Variants in SPANXN2 observed in about 807,000 individuals in gnomAD.
The protein encoded by SPANXN2 is sperm protein associated with the nucleus on the X chromosome N2.
A neutral mutation model predicts 2.0 loss-of-function variants in SPANXN2; 1 was observed. The ratio of observed to expected loss-of-function variants is 0.50; its 90% confidence interval spans 0.18 to 2.36. The LOEUF is 2.36. SPANXN2 is among the 30% of genes most tolerant of loss of function. The pLI is 0.26. For missense variants in SPANXN2, 88 were observed against 116.7 expected (o/e 0.75, Z 1.13); for synonymous variants, 43 against 49.8 (o/e 0.86, Z 0.58).
At chrX:143,715,553 G>A (rs1409149986) in intron 1 of SPANXN2, among the ~76,000 whole-genome samples, 1 of 108,176 alleles carries the variant, frequency 9.2e-6, no homozygotes, top group Non-Finnish European at 1.9e-5. Flanking sequence ...TCTAAAGCTT[G>A]GAATGTTTCT....
At chrX:143,712,072 G>A (rs1932167427) in exon 2 of SPANXN2, 2 of 1,212,443 alleles carry the variant, frequency 1.6e-6, no homozygotes, top group East Asian at 5.9e-5. Flanking sequence ...TCCTTCAGAT[G>A]AGTCTAGGTC....
chrX:143,713,589 T>G (rs782505313), intron 1 of SPANXN2, among the ~76,000 whole-genome samples: 1 of 111,447 alleles, frequency 9.0e-6, no homozygotes, highest in Non-Finnish European at 1.9e-5. Context: ...TGCTCTGGCC[T>G]CTGGGGAGCA....
At chrX:143,713,910 TC>T (rs1932211402) in intron 1 of SPANXN2, among the ~76,000 whole-genome samples, 2 of 107,096 alleles carry the variant, frequency 1.9e-5, no homozygotes, top group African/African-American at 6.9e-5. Context: ...TCTCTCTCTC[TC>T]TCTCTCTCTC....
chrX:143,712,140 T>C (rs200419366), exon 2 of SPANXN2: 12 of 1,208,006 alleles, frequency 9.9e-6, no homozygotes, highest in Non-Finnish European at 1.3e-5. Flanking sequence ...CCTGTGAAGA[T>C]CCTTCAGATG....
At chrX:143,720,411 C>T (rs851096) in intron 1 of SPANXN2, among the ~76,000 whole-genome samples, 180 bp downstream of exon 1, 3 of 86,533 alleles carry the variant, frequency 3.5e-5, no homozygotes, top group Admixed American at 1.4e-4. Flanking sequence ...CATACTGCCC[C>T]GGCCCCTCCC....
chrX:143,714,815 T>C (rs1420817305), intron 1 of SPANXN2, among the ~76,000 whole-genome samples: 24 of 111,590 alleles, frequency 2.2e-4, no homozygotes, highest in African/African-American at 7.2e-4. Flanking sequence ...CTTCAAGATC[T>C]ATAAGATTAG....
chrX:143,713,995 C>T (rs782429653), intron 1 of SPANXN2, among the ~76,000 whole-genome samples: 139 of 107,446 alleles, frequency 1.3e-3, no homozygotes, highest in African/African-American at 2.6e-3. Context: ...CCTCTTCCTC[C>T]GGACAAGTCT....
At chrX:143,712,469 G>T in exon 2 of SPANXN2, 1 of 1,211,270 alleles carries the variant, frequency 8.3e-7, no homozygotes. Flanking sequence ...CTCTGTTTGG[G>T]GGCTAAGACC....
At chrX:143,717,583 T>C (rs1932290225) in intron 1 of SPANXN2, among the ~76,000 whole-genome samples, 1 of 112,277 alleles carries the variant, frequency 8.9e-6, no homozygotes. Context: ...TGATAAAGTG[T>C]CTTGCCCAAG....
chrX:143,715,545 T>G (rs781997702), intron 1 of SPANXN2, among the ~76,000 whole-genome samples: 1 of 109,075 alleles, frequency 9.2e-6, no homozygotes, highest in African/African-American at 3.3e-5. Flanking sequence ...CTGTTAATTC[T>G]AAAGCTTGGA....
At chrX:143,716,766 A>G (rs1436623794) in intron 1 of SPANXN2, among the ~76,000 whole-genome samples, 16 of 111,567 alleles carry the variant, frequency 1.4e-4, no homozygotes, top group African/African-American at 4.9e-4. Context: ...CTACCAACAC[A>G]TTACTATTGC....
chrX:143,714,578 A>G (rs1932226422), intron 1 of SPANXN2, among the ~76,000 whole-genome samples: 1 of 111,874 alleles, frequency 8.9e-6, no homozygotes, highest in South Asian at 3.7e-4. Context: ...ATCAGGCCAT[A>G]TGATATCATG....
chrX:143,713,842 A>G (rs782517878), intron 1 of SPANXN2, among the ~76,000 whole-genome samples: 4 of 110,243 alleles, frequency 3.6e-5, no homozygotes, highest in East Asian at 2.9e-4. Context: ...ACTTTCTTCA[A>G]TGCAATGGTA....
intron 1 of SPANXN2, among the ~76,000 whole-genome samples, chrX:143,718,219 G>A (rs183866423): frequency 8.1e-4 from 90 of 111,697 alleles, no homozygotes; most frequent in African/African-American, 2.7e-3. Context: ...CTCAGCCTAA[G>A]CCCATTTAAA....
chrX:143,714,638 C>G (rs1225611039), intron 1 of SPANXN2, among the ~76,000 whole-genome samples: 3 of 111,896 alleles, frequency 2.7e-5, no homozygotes, highest in Non-Finnish European at 5.6e-5. Flanking sequence ...CCTCTCCTGC[C>G]TTTCAAAAGT....
intron 1 of SPANXN2, among the ~76,000 whole-genome samples, chrX:143,717,037 G>A (rs782356908): frequency 2.7e-5 from 3 of 112,040 alleles, no homozygotes; most frequent in Admixed American, 1.9e-4. Flanking sequence ...ACACATACAC[G>A]GTTAGTTAAT....
rs58045166 is a variant in SPANXN2 at position 143,713,892 on chromosome X, A to ACTCTCT, written c.79-1399_79-1394dup. ...CTTTGCTTATCTCCTTTCATGCCTC[A>ACTCTCT]CTCTCTCTCTCTCTCTCTCTCTCTC... On this transcript the variant is annotated intron_variant, in intron 1 of 1. Coordinates refer to ENST00000598475, the Ensembl canonical transcript of SPANXN2. Among the ~76,000 whole-genome samples the ACTCTCT allele has an allele frequency of 4.1e-3, 361 of 87,886 alleles. 7 individuals carry two copies. Among genetic ancestry groups the ACTCTCT allele is most frequent in the African/African-American group, 0.015 (338 of 23,006 alleles). 76.3% of individuals were successfully genotyped at this position (87,886 alleles called of 115,157 possible).
intron 1 of SPANXN2, among the ~76,000 whole-genome samples, chrX:143,712,860 A>C (rs1236646613): frequency 3.6e-5 from 4 of 111,623 alleles, no homozygotes; most frequent in Non-Finnish European, 7.5e-5. Flanking sequence ...TGCTTGGCAA[A>C]GTTCTAAGGA....
intron 1 of SPANXN2, among the ~76,000 whole-genome samples, chrX:143,713,599 A>T (rs1341257132): frequency 9.0e-6 from 1 of 111,253 alleles, no homozygotes; most frequent in African/African-American, 3.3e-5. Flanking sequence ...TCTGGGGAGC[A>T]TGAATAGTAC....
Sources: gnomAD v4.1 joint callset for allele counts (sites outside exome capture counted in the v4.1 genomes callset) on GRCh38, gnomAD v4.1.1 for gene constraint, MANE v1.5 for transcripts, NCBI Gene and HGNC (gene_info 2026-07-23, HGNC 2026-07-21) for gene names.